The following FMO4 variants were observed in gnomAD, a reference collection of about 807,000 sequenced individuals.
FMO4 encodes dimethylaniline monooxygenase [N-oxide-forming] 4.
Under a neutral mutation model 43.3 loss-of-function variants are expected in FMO4, and 38 were observed. That is an observed-to-expected ratio of 0.88 (90% CI 0.68 to 1.15). FMO4 has a LOEUF of 1.15. FMO4 is among the 50% of genes most tolerant of loss of function. FMO4 has a pLI of 0.00. For missense variants in FMO4, 631 were observed against 663.3 expected, an observed-to-expected ratio of 0.95 and a Z score of 0.54; for synonymous variants, 224 against 232.2, an observed-to-expected ratio of 0.96 and a Z score of 0.32.
At chr1:171,332,096 G>A (rs775003096) in intron 6 of FMO4, among the ~76,000 whole-genome samples, 12 of 152,026 alleles carry the variant, frequency 7.9e-5, no homozygotes, top group Non-Finnish European at 1.8e-4. Context: ...GCTTCACCCA[G>A]TTCAATTATC....
chr1:171,317,345 GA>G (rs1368232634), intron 2 of FMO4, among the ~76,000 whole-genome samples: 1 of 152,146 alleles, frequency 6.6e-6, no homozygotes, highest in African/African-American at 2.4e-5. Flanking sequence ...AAGGCAAAGT[GA>G]AATGAGTTAT....
intron 9 of FMO4, among the ~76,000 whole-genome samples, chr1:171,339,006 T>C (rs1003887760): frequency 2.0e-5 from 3 of 152,158 alleles, no homozygotes; most frequent in East Asian, 1.9e-4. Flanking sequence ...TCATGAAAAG[T>C]AGAACATCGT....
chr1:171,314,309 G>GA lies in FMO4; in HGVS notation c.-249dup, dbSNP rs1210715760. On this transcript the variant is annotated 5_prime_UTR_variant, in exon 1 of 10. Transcript: ENST00000367749. Reference sequence around the variant, plus strand: ...CATCTTTCCATTTATTTTTCTTTCAGAAAAAAGAATTTGGGTTTTGAGCTT... The same window carrying GA: ...CATCTTTCCATTTATTTTTCTTTCAGAAAAAAAGAATTTGGGTTTTGAGCTT... 6.7e-6 allele frequency: 1 copy of GA among 150,144 alleles called. No homozygotes were observed. Among genetic ancestry groups the GA allele is most frequent in the Admixed American group, 6.6e-5 (1 of 15,142 alleles). 9.3% of individuals were successfully genotyped at this position (150,144 alleles called of 1,614,324 possible). A position where few individuals can be genotyped will look rare whatever the true frequency, so the allele number is the denominator to read the frequency against.
intron 4 of FMO4, 49 bp from the exon 5 acceptor site, chr1:171,324,089 G>A (rs1662552188): frequency 6.7e-7 from 1 of 1,494,790 alleles, no homozygotes; most frequent in African/African-American, 1.4e-5. Context: ...GTCATTGCAT[G>A]AGGTCCAAGG....
chr1:171,332,769 C>A lies in FMO4; in HGVS notation c.688C>A (p.Pro230Thr). The A allele has an allele frequency of 6.2e-7, 1 of 1,611,818 alleles. No homozygotes were observed. Among genetic ancestry groups the A allele is most frequent in the East Asian group, 2.2e-5 (1 of 44,794 alleles). ...VLGRSSDWGYPYNMMVTRRCC... is the reference protein window; with the variant it reads ...VLGRSSDWGYTYNMMVTRRCC... ...TGGGCGCTCTTCAGATTGGGGCTAT[C>A]CTTATAATATGATGGTTACAAGAAG... Residue 230 changes from proline to threonine, a missense_variant, in exon 7 of 10, where the codon CCT (proline) becomes ACT (threonine). Pro to Thr is a conservative substitution (Grantham distance 38). Coordinates refer to ENST00000367749, the MANE Select transcript of FMO4 (RefSeq NM_002022.3).
chr1:171,334,772 A>G lies in FMO4; in HGVS notation c.1180+9A>G. 3.4e-6 allele frequency: 5 copies of G among 1,481,290 alleles called. No individual in the cohort carries two copies. Among genetic ancestry groups the G allele is most frequent in the Non-Finnish European group, 4.5e-6 (5 of 1,100,038 alleles). 91.8% of individuals were successfully genotyped at this position (1,481,290 alleles called of 1,614,324 possible). A position where few individuals can be genotyped will look rare whatever the true frequency, so the allele number is the denominator to read the frequency against. On this transcript the variant is annotated intron_variant, in intron 8 of 9. Transcript: ENST00000367749. ...CACAAGAGTATTCAAAGGTACCATG[A>G]CTCTACTGAAAGTCCTCTCTTTGGA...
chr1:171,317,022 C>G (rs756588570), intron 2 of FMO4, among the ~76,000 whole-genome samples: 4 of 152,140 alleles, frequency 2.6e-5, no homozygotes, highest in Non-Finnish European at 5.9e-5. Context: ...CAAACCTGAG[C>G]AAAGATGAAG....
At chr1:171,320,016 A>G in intron 3 of FMO4, 59 bp downstream of exon 3, 2 of 1,598,036 alleles carry the variant, frequency 1.3e-6, no homozygotes, top group Non-Finnish European at 1.7e-6. Context: ...CTGCTCAGAC[A>G]TGGTGGCTTT....
At chr1:171,340,583 T>C (rs1225358312) in intron 9 of FMO4, among the ~76,000 whole-genome samples, 1 of 152,198 alleles carries the variant, frequency 6.6e-6, no homozygotes, top group Non-Finnish European at 1.5e-5. Flanking sequence ...ATTTCCTGAC[T>C]TGAGTGTTCC....
chr1:171,330,586 C>T (rs1331703695), intron 5 of FMO4, among the ~76,000 whole-genome samples: 1 of 152,152 alleles, frequency 6.6e-6, no homozygotes, highest in African/African-American at 2.4e-5. Context: ...AGAGCATGCC[C>T]AGGGGAACTC....
intron 3 of FMO4, 32 bp downstream of exon 3, chr1:171,319,989 G>A: frequency 1.2e-6 from 2 of 1,611,418 alleles, no homozygotes; most frequent in Non-Finnish European, 1.7e-6. Context: ...GTCATGATCT[G>A]GCCATTTGCT....
At chr1:171,334,165 T>C (rs921640464) in intron 7 of FMO4, among the ~76,000 whole-genome samples, 18 of 152,178 alleles carry the variant, frequency 1.2e-4, no homozygotes, top group African/African-American at 4.1e-4. Flanking sequence ...TTCTAAGAGA[T>C]AGAGAGTTTT....
rs150007298 is a variant in FMO4 at position 171,325,906 on chromosome 1, G to C, written c.484+1606G>C. ...TCTGTTGCCTGAGCTGGAGTGCAGTGGTGCCATCTAGGCTCACTGCAGCCT... is the reference window on the plus strand; with the variant it reads ...TCTGTTGCCTGAGCTGGAGTGCAGTCGTGCCATCTAGGCTCACTGCAGCCT... On this transcript the variant is annotated intron_variant, in intron 5 of 9. Transcript: ENST00000367749. Among the ~76,000 whole-genome samples the C allele has an allele frequency of 1.9e-3, 236 of 125,862 alleles. 2 individuals are homozygous for C. Among genetic ancestry groups the C allele is most frequent in the African/African-American group, 6.8e-3 (219 of 32,306 alleles). The allele number at this position is 125,862 out of a possible 152,430, so 82.6% of individuals were successfully genotyped here. A position where few individuals can be genotyped will look rare whatever the true frequency, so the allele number is the denominator to read the frequency against.
intron 6 of FMO4, 139 bp downstream of exon 6, chr1:171,331,921 G>A: frequency 2.6e-6 from 2 of 765,846 alleles, no homozygotes; most frequent in Non-Finnish European, 2.1e-6. Context: ...AAAAAACATT[G>A]AAAATCTTTA....
At position 171,322,994 on chromosome 1, in the gene FMO4, T is replaced by G. The variant is rs745456347; in HGVS notation, c.133-10T>G. ...ATTATCCCAACAAGCTAACTATGCC[T>G]TCACCACAGGAATCTTCCAAAGATG... On this transcript the variant is annotated splice_polypyrimidine_tract_variant and intron_variant, in intron 3 of 9. Coordinates refer to ENST00000367749, the MANE Select transcript of FMO4 (RefSeq NM_002022.3). 1 of 1,608,644 alleles carries G rather than the reference T, an allele frequency of 6.2e-7. No homozygotes were observed. The highest frequency in any genetic ancestry group is 1.1e-5 in the South Asian group (1 of 90,726).
At chr1:171,333,527 A>G (rs1369885867) in intron 7 of FMO4, among the ~76,000 whole-genome samples, 2 of 152,088 alleles carry the variant, frequency 1.3e-5, no homozygotes, top group East Asian at 3.9e-4. Context: ...CTCAGCCAAA[A>G]TGATATATTT....
At chr1:171,324,444 A>C in intron 5 of FMO4, 144 bp downstream of exon 5, 1 of 608,778 alleles carries the variant, frequency 1.6e-6, no homozygotes, top group Non-Finnish European at 2.8e-6. Flanking sequence ...AAATTACTTT[A>C]AAAGTTGTAT....
At chr1:171,334,961 G>A (rs558707641) in intron 8 of FMO4, among the ~76,000 whole-genome samples, 198 bp downstream of exon 8, 44 of 152,304 alleles carry the variant, frequency 2.9e-4, no homozygotes, top group Non-Finnish European at 5.9e-4. Flanking sequence ...TTGGCTCTGT[G>A]GATGAGATAA....
At position 171,319,795 on chromosome 1, in the gene FMO4, T is replaced by A. The variant is rs541187563; in HGVS notation, c.-8-23T>A. 4.1e-4 allele frequency: 663 copies of A among 1,609,744 alleles called. 8 individuals are homozygous for A. In the South Asian group the frequency reaches 6.8e-3, roughly 16 times the overall value. On this transcript the variant is annotated intron_variant, in intron 2 of 9. Transcript: ENST00000367749. ...TTCCAAACTTATTAAATAAAGAAGTTCTGCTTGACTTTCCTCTAACAGAGC... is the reference window on the plus strand; with the variant it reads ...TTCCAAACTTATTAAATAAAGAAGTACTGCTTGACTTTCCTCTAACAGAGC...
Sources: gnomAD v4.1 joint callset for allele counts (sites outside exome capture counted in the v4.1 genomes callset) on GRCh38, gnomAD v4.1.1 for gene constraint, MANE v1.5 for transcripts, NCBI Gene and HGNC (gene_info 2026-07-23, HGNC 2026-07-21) for gene names.